Variants in ARHGAP8 observed in about 807,000 individuals in gnomAD.
ARHGAP8 encodes Rho GTPase activating protein 8, also known as rho GTPase-activating protein 8.
In ARHGAP8, 62 loss-of-function variants were observed where a neutral mutation model predicts 46.1. The observed-to-expected ratio is 1.34, with a 90% CI of 1.10 to 1.66. The LOEUF (loss-of-function observed/expected upper bound fraction) is 1.66, where lower values mean the gene tolerates loss of function less well. Ranked by LOEUF, ARHGAP8 falls within the 40% of genes most tolerant of loss-of-function variation. ARHGAP8 has a pLI of 0.00. For synonymous variants in ARHGAP8, 375 were observed against 243.1 expected (o/e 1.54, Z -5.05); for missense variants, 923 against 568.4 (o/e 1.62, Z -6.34).
At chr22:44,831,574 C>G (rs1930950073) in intron 7 of ARHGAP8, among the ~76,000 whole-genome samples, 1 of 152,120 alleles carries the variant, frequency 6.6e-6, no homozygotes, top group Non-Finnish European at 1.5e-5. Context: ...TGGCAGGCAC[C>G]TGTAATCCCA....
At chr22:44,813,422 ATACACT>A (rs910057982) in intron 4 of ARHGAP8, among the ~76,000 whole-genome samples, 1 of 123,246 alleles carries the variant, frequency 8.1e-6, no homozygotes, top group African/African-American at 3.6e-5. Flanking sequence ...CTACATGTAC[ATACACT>A]TACACCTACA....
At position 44,862,504 on chromosome 22, in the gene ARHGAP8, T is replaced by C. The variant is rs924836785; in HGVS notation, c.1211T>C (p.Leu404Ser). 3 of 1,613,248 alleles carry C rather than the reference T, an allele frequency of 1.9e-6. No homozygotes were observed. The highest frequency in any genetic ancestry group is 2.5e-6 in the Non-Finnish European group (3 of 1,179,396). ...GAACAGGGGAGCAGGGCAGCCCCTT[T>C]GCAGGAGGCTGTGCCACGGACACAA... is the stretch of plus-strand genomic sequence containing the variant. ...PWEQGSRAAP[L>S]QEAVPRTQAT... Residue 404 changes from leucine to serine, a missense_variant, in exon 12 of 12, where the codon TTG becomes TCG. Physicochemically the swap from Leu to Ser is moderately radical, Grantham distance 145. Coordinates refer to ENST00000356099, the MANE Select transcript of ARHGAP8 (RefSeq NM_181335.3).
chr22:44,829,155 G>A (rs1273358582), intron 7 of ARHGAP8, among the ~76,000 whole-genome samples: 1 of 145,810 alleles, frequency 6.9e-6, no homozygotes, highest in Non-Finnish European at 1.5e-5. Context: ...GTTGGGCATG[G>A]TGTCACACAC....
intron 2 of ARHGAP8, among the ~76,000 whole-genome samples, chr22:44,795,676 G>A (rs1928030837): frequency 6.6e-6 from 1 of 152,196 alleles, no homozygotes; most frequent in Non-Finnish European, 1.5e-5. Flanking sequence ...GGTGTGAGAA[G>A]GAGGGTGCTG....
At chr22:44,823,459 G>T (rs971281829) in intron 6 of ARHGAP8, among the ~76,000 whole-genome samples, 4 of 152,164 alleles carry the variant, frequency 2.6e-5, no homozygotes, top group Non-Finnish European at 5.9e-5. Context: ...TCTGGAGGCA[G>T]TGAGAAGTCC....
At chr22:44,858,403 T>C (rs982294382) in intron 10 of ARHGAP8, among the ~76,000 whole-genome samples, 2 of 151,258 alleles carry the variant, frequency 1.3e-5, no homozygotes, top group African/African-American at 2.4e-5. Flanking sequence ...GTTTCACTCT[T>C]GTTGCCCAGG....
intron 7 of ARHGAP8, among the ~76,000 whole-genome samples, chr22:44,833,114 T>TTTG (rs1569169270): frequency 2.1e-4 from 31 of 146,220 alleles, no homozygotes; most frequent in African/African-American, 7.8e-4. Context: ...TTTTTTTTTT[T>TTTG]GAGATAGAGT....
intron 4 of ARHGAP8, among the ~76,000 whole-genome samples, chr22:44,813,672 C>T (rs1283336839): frequency 6.6e-6 from 1 of 151,526 alleles, no homozygotes; most frequent in Admixed American, 6.6e-5. Flanking sequence ...AATACACCTA[C>T]ACACCCCTAG....
chr22:44,783,727 C>T (rs1174001359), intron 1 of ARHGAP8, among the ~76,000 whole-genome samples: 5 of 152,198 alleles, frequency 3.3e-5, no homozygotes, highest in African/African-American at 7.2e-5. Context: ...CCGACCTGTC[C>T]GAAAGGTGTT....
At chr22:44,827,573 C>T (rs749121574) in intron 7 of ARHGAP8, among the ~76,000 whole-genome samples, 47 of 152,044 alleles carry the variant, frequency 3.1e-4, no homozygotes, top group Admixed American at 6.5e-4. Flanking sequence ...GAACTCCTGA[C>T]CTCAGGTGAT....
chr22:44,754,911 A>G (rs761512649), intron 1 of ARHGAP8, among the ~76,000 whole-genome samples: 1 of 152,110 alleles, frequency 6.6e-6, no homozygotes, highest in Non-Finnish European at 1.5e-5. Context: ...AAACTGAGGC[A>G]CAGGCAGCAT....
intron 1 of ARHGAP8, among the ~76,000 whole-genome samples, chr22:44,755,110 C>T (rs1215784267): frequency 1.3e-5 from 2 of 152,208 alleles, no homozygotes; most frequent in African/African-American, 4.8e-5. Flanking sequence ...TTGCTCACAT[C>T]AGGAGGCACG....
chr22:44,786,668 T>C lies in ARHGAP8; in HGVS notation c.79+62T>C, dbSNP rs1450548013. The C allele has an allele frequency of 2.6e-6, 4 of 1,554,816 alleles. No homozygotes were observed. The African/African-American group carries it at 5.4e-5, about 21-fold the overall frequency. ...CAGAGCAGCCTTCCTCTCGGCAACTTTGAGGCAAAGTGGGCTCGTCAGGGG... is the reference window on the plus strand; with the variant it reads ...CAGAGCAGCCTTCCTCTCGGCAACTCTGAGGCAAAGTGGGCTCGTCAGGGG... On this transcript the variant is annotated intron_variant, in intron 2 of 11. Transcript: ENST00000356099.
intron 1 of ARHGAP8, among the ~76,000 whole-genome samples, chr22:44,773,553 A>G (rs1344011322): frequency 6.6e-6 from 1 of 152,182 alleles, no homozygotes; most frequent in Non-Finnish European, 1.5e-5. Context: ...TGGGATTTGT[A>G]AAACTATGTG....
At chr22:44,789,945 TCA>T (rs1054628755) in intron 2 of ARHGAP8, among the ~76,000 whole-genome samples, 1 of 152,226 alleles carries the variant, frequency 6.6e-6, no homozygotes, top group African/African-American at 2.4e-5. Context: ...TCAGTCTGTC[TCA>T]GTCTGCACAG....
chr22:44,776,459 AAAG>A (rs1926427967), intron 1 of ARHGAP8, among the ~76,000 whole-genome samples: 1 of 151,586 alleles, frequency 6.6e-6, no homozygotes, highest in Non-Finnish European at 1.5e-5. Flanking sequence ...TCTCAAAAAA[AAAG>A]AAAAAAAAAA....
chr22:44,859,733 G>T lies in ARHGAP8; in HGVS notation c.880G>T (p.Val294Leu). The T allele has an allele frequency of 6.2e-7, 1 of 1,613,524 alleles. No individual in the cohort carries two copies. Among genetic ancestry groups the T allele is most frequent in the Non-Finnish European group, 8.5e-7 (1 of 1,180,026 alleles). Residue 294 changes from valine to leucine, a missense_variant and splice_region_variant, in exon 11 of 12, where the codon GTG becomes TTG. Coordinates refer to ENST00000356099, the MANE Select transcript of ARHGAP8 (RefSeq NM_181335.3). ...CAGGGAGCCCCATGCCCTTCCAGGT[G>T]TGGAGAGCAGCCTGCGTGTCACTGG... ...AYEQILGITC[V>L]ESSLRVTGCR...
chr22:44,848,828 G>A lies in ARHGAP8; in HGVS notation c.749-104G>A, dbSNP rs578007709. 158 of 1,558,916 alleles carry A rather than the reference G, an allele frequency of 1.0e-4. No homozygotes were observed. The East Asian group carries it at 3.3e-3, about 33-fold the overall frequency. On this transcript the variant is annotated intron_variant, in intron 9 of 11. Transcript: ENST00000356099. The stretch of plus-strand genomic sequence containing the variant: ...AGGACACATGGCTCCAGCATCAGGT[G>A]CGTCCCATCCGGACATCTCACGCCC...
intron 11 of ARHGAP8, among the ~76,000 whole-genome samples, chr22:44,860,913 T>A (rs939835080): frequency 2.0e-5 from 3 of 152,136 alleles, no homozygotes; most frequent in African/African-American, 7.2e-5. Flanking sequence ...CAGAGTCTGT[T>A]GGAGAATGTC....
Sources: allele counts gnomAD v4.1 joint callset (sites outside exome capture counted in the v4.1 genomes callset), GRCh38; gene constraint gnomAD v4.1.1; transcripts MANE v1.5; gene names NCBI Gene and HGNC (gene_info 2026-07-23, HGNC 2026-07-21).